The following RYR2 variants were observed in gnomAD, a reference collection of about 807,000 sequenced individuals.
The protein encoded by RYR2 is cardiac muscle ryanodine receptor-calcium release channel.
In RYR2, 227 loss-of-function variants were observed where a neutral mutation model predicts 601.1. The observed-to-expected ratio is 0.38, with a 90% CI of 0.34 to 0.42. The LOEUF is 0.42. Among genes scored for constraint, RYR2 ranks in the 10% least tolerant of loss-of-function variants. The probability of loss-of-function intolerance (pLI) is 1.00; values close to 1 mark genes in which losing one functional copy is unlikely to be tolerated. For missense variants in RYR2, 4,646 were observed against 6,156.5 expected, an observed-to-expected ratio of 0.75 and a Z score of 8.21; for synonymous variants, 2,223 against 2,175.1, an observed-to-expected ratio of 1.02 and a Z score of -0.61.
At chr1:237,275,258 A>C (rs549804132) in intron 2 of RYR2, among the ~76,000 whole-genome samples, 1 of 152,186 alleles carries the variant, frequency 6.6e-6, no homozygotes, top group South Asian at 2.1e-4. Flanking sequence ...TTGATTATAT[A>C]AACAATTATA....
At chr1:237,472,342 G>A (rs1660825383) in intron 17 of RYR2, among the ~76,000 whole-genome samples, 1 of 152,140 alleles carries the variant, frequency 6.6e-6, no homozygotes, top group Non-Finnish European at 1.5e-5. Flanking sequence ...GAGTAGAAAA[G>A]GGATCAAAAG....
chr1:237,126,834 G>C (rs1200533749), intron 1 of RYR2, among the ~76,000 whole-genome samples: 1 of 151,482 alleles, frequency 6.6e-6, no homozygotes, highest in Non-Finnish European at 1.5e-5. Flanking sequence ...TCTCACAGAG[G>C]GGGATTTGGC....
At chr1:237,188,868 GTCT>G (rs1679658156) in intron 1 of RYR2, among the ~76,000 whole-genome samples, 1 of 152,078 alleles carries the variant, frequency 6.6e-6, no homozygotes, top group Non-Finnish European at 1.5e-5. Flanking sequence ...TTTTTATTTT[GTCT>G]TCTTGTTTTT....
chr1:237,122,257 C>G (rs561454248), intron 1 of RYR2, among the ~76,000 whole-genome samples: 19 of 152,222 alleles, frequency 1.2e-4, no homozygotes, highest in Non-Finnish European at 2.8e-4. Context: ...CGACCGCTTG[C>G]TGATTTGAAG....
chr1:237,334,261 A>G (rs969998900), intron 3 of RYR2, among the ~76,000 whole-genome samples: 8 of 152,254 alleles, frequency 5.3e-5, no homozygotes, highest in East Asian at 1.9e-4. Context: ...GAACATTACG[A>G]TAACAGAAGA....
intron 59 of RYR2, 83 bp downstream of exon 59, chr1:237,674,302 T>C: frequency 1.8e-6 from 2 of 1,082,636 alleles, no homozygotes; most frequent in Non-Finnish European, 2.7e-6. Context: ...AAGCTGAAAA[T>C]GAATTCAATG....
chr1:237,208,508 A>T (rs1357696120), intron 1 of RYR2, among the ~76,000 whole-genome samples: 3 of 152,180 alleles, frequency 2.0e-5, no homozygotes, highest in Non-Finnish European at 4.4e-5. Context: ...CTTATGTAAC[A>T]TTTGGTTGGA....
intron 1 of RYR2, among the ~76,000 whole-genome samples, chr1:237,201,627 C>T (rs1444030322): frequency 6.6e-6 from 1 of 152,134 alleles, no homozygotes; most frequent in Non-Finnish European, 1.5e-5. Flanking sequence ...GCATCCTCCC[C>T]ACCTCCTTTT....
chr1:237,480,117 A>C (rs1222100913), intron 17 of RYR2, among the ~76,000 whole-genome samples: 1 of 152,154 alleles, frequency 6.6e-6, no homozygotes, highest in African/African-American at 2.4e-5. Flanking sequence ...ATGATTGTTA[A>C]CAGCAAGATA....
chr1:237,409,089 T>G (rs193235170), intron 10 of RYR2, among the ~76,000 whole-genome samples: 23 of 152,222 alleles, frequency 1.5e-4, no homozygotes, highest in Non-Finnish European at 2.8e-4. Context: ...GAGATTGGGG[T>G]AAATAATCAT....
At chr1:237,321,651 T>C (rs73127273) in intron 2 of RYR2, among the ~76,000 whole-genome samples, 1 of 152,268 alleles carries the variant, frequency 6.6e-6, no homozygotes, top group African/African-American at 2.4e-5. Context: ...TCAAATCCTC[T>C]TCCCAGAGGG....
rs60187061 is a variant in RYR2 at position 237,545,648 on chromosome 1, C to A, written c.2907-2783C>A. Reference sequence around the variant, plus strand: ...AGAAGACTGGGCTCTTCATCATGTACCCTGAGGCTGCCTCCAGCAAACTGT... The same window carrying A: ...AGAAGACTGGGCTCTTCATCATGTAACCTGAGGCTGCCTCCAGCAAACTGT... On this transcript the variant is annotated intron_variant, in intron 25 of 104. Coordinates refer to ENST00000366574, the MANE Select transcript of RYR2 (RefSeq NM_001035.3). Among the ~76,000 whole-genome samples the A allele has an allele frequency of 6.4e-3, 975 of 152,122 alleles. 8 individuals are homozygous for A. Among genetic ancestry groups the A allele is most frequent in the African/African-American group, 0.023 (934 of 41,480 alleles).
At chr1:237,781,352 C>T (rs1695094844) in intron 88 of RYR2, among the ~76,000 whole-genome samples, 1 of 152,208 alleles carries the variant, frequency 6.6e-6, no homozygotes, top group Non-Finnish European at 1.5e-5. Flanking sequence ...TGCGCCCGGC[C>T]TACAAATACT....
intron 101 of RYR2, among the ~76,000 whole-genome samples, chr1:237,827,406 G>A (rs910302281): frequency 2.0e-5 from 3 of 151,950 alleles, no homozygotes; most frequent in African/African-American, 4.8e-5. Context: ...AAGCTGAGGC[G>A]AGAGGATCGC....
intron 3 of RYR2, among the ~76,000 whole-genome samples, chr1:237,335,683 T>C (rs1285421202): frequency 1.3e-5 from 2 of 152,174 alleles, no homozygotes; most frequent in South Asian, 2.1e-4. Context: ...TATTAGAATA[T>C]TGTAGATTGA....
intron 79 of RYR2, among the ~76,000 whole-genome samples, chr1:237,739,967 C>T (rs749042903): frequency 3.3e-5 from 5 of 152,056 alleles, no homozygotes; most frequent in African/African-American, 9.7e-5. Context: ...TTATTTTCTT[C>T]GAAATTATTT....
chr1:237,081,574 A>T (rs1665668749), intron 1 of RYR2, among the ~76,000 whole-genome samples: 1 of 151,948 alleles, frequency 6.6e-6, no homozygotes, highest in South Asian at 2.1e-4. Context: ...TTTCTCATGC[A>T]TTTATGTTCC....
chr1:237,145,072 G>T (rs957131895), intron 1 of RYR2, among the ~76,000 whole-genome samples: 13 of 150,124 alleles, frequency 8.7e-5, no homozygotes, highest in Non-Finnish European at 1.5e-4. Flanking sequence ...CTGTCGGGGG[G>T]TTGGGGGAGC....
At chr1:237,687,974 A>G (rs1177232386) in intron 63 of RYR2, among the ~76,000 whole-genome samples, 1 of 152,122 alleles carries the variant, frequency 6.6e-6, no homozygotes, top group African/African-American at 2.4e-5. Context: ...AAGACACTGA[A>G]GCCAAGGAGC....
Sources: allele counts gnomAD v4.1 joint callset (sites outside exome capture counted in the v4.1 genomes callset), GRCh38; gene constraint gnomAD v4.1.1; transcripts MANE v1.5; gene names NCBI Gene and HGNC (gene_info 2026-07-23, HGNC 2026-07-21).